The following FBXL2 variants were observed in gnomAD, a reference collection of about 807,000 sequenced individuals.
The protein encoded by FBXL2 is F-box/LRR-repeat protein 2.
Under a neutral mutation model 69.2 loss-of-function variants are expected in FBXL2, and 38 were observed. The ratio of observed to expected loss-of-function variants is 0.55; its 90% CI spans 0.42 to 0.72. The LOEUF (loss-of-function observed/expected upper bound fraction) is 0.72. FBXL2 is among the 30% of genes least tolerant of loss of function. FBXL2 has a pLI of 0.00. For synonymous variants in FBXL2, 192 were observed against 201.3 expected, an observed-to-expected ratio of 0.95 and a Z score of 0.39; for missense variants, 354 against 520.3, an observed-to-expected ratio of 0.68 and a Z score of 3.11.
intron 2 of FBXL2, among the ~76,000 whole-genome samples, chr3:33,328,662 T>C (rs1232563632): frequency 6.6e-6 from 1 of 152,116 alleles, no homozygotes; most frequent in Non-Finnish European, 1.5e-5. Context: ...AAAATGAAAC[T>C]AGACCCCTGT....
Position 33,285,427 on chromosome 3 carries a change from C to T in FBXL2, c.3+7912C>T, listed in dbSNP as rs562178911. Among the ~76,000 whole-genome samples the T allele has an allele frequency of 2.0e-5, 3 of 152,326 alleles. No homozygotes were observed. The East Asian group carries it at 5.8e-4, about 29-fold the overall frequency. On this transcript the variant is annotated intron_variant, in intron 1 of 14. Coordinates refer to ENST00000484457, the MANE Select transcript of FBXL2 (RefSeq NM_012157.5). ...AGAGATCCGCTGTTAGTCTGATGGG[C>T]TTCCCTTTGTGGGTAACCCGACCTT...
chr3:33,369,292 T>A (rs2042144531), intron 5 of FBXL2, among the ~76,000 whole-genome samples: 1 of 152,080 alleles, frequency 6.6e-6, no homozygotes, highest in African/African-American at 2.4e-5. Flanking sequence ...CCTCAAATGA[T>A]CTGCCCACCT....
At position 33,378,162 on chromosome 3, in the gene FBXL2, G is replaced by A; in HGVS notation, c.894+15G>A. ...AATGCATCCTGGTGAGTGGACTCCTGACAGCCCTGCAGGGCAGCCTGCTCC... is the reference window on the plus strand; with the variant it reads ...AATGCATCCTGGTGAGTGGACTCCTAACAGCCCTGCAGGGCAGCCTGCTCC... On this transcript the variant is annotated intron_variant, in intron 12 of 14. Coordinates refer to ENST00000484457, the MANE Select transcript of FBXL2 (RefSeq NM_012157.5). 1.2e-6 allele frequency: 2 copies of A among 1,613,814 alleles called. No individual in the cohort carries two copies. The highest frequency in any genetic ancestry group is 1.7e-6 in the Non-Finnish European group (2 of 1,179,706).
At chr3:33,335,686 T>C (rs2039522194) in intron 2 of FBXL2, among the ~76,000 whole-genome samples, 1 of 152,150 alleles carries the variant, frequency 6.6e-6, no homozygotes, top group Admixed American at 6.5e-5. Flanking sequence ...AAATATTTAA[T>C]TATTTCAAAA....
chr3:33,390,756 C>T (rs982226382), downstream of FBXL2: 1 of 185,042 alleles, frequency 5.4e-6, no homozygotes, highest in Non-Finnish European at 1.1e-5. Context: ...CAAATGTGTA[C>T]ATCTACCTTT....
At chr3:33,373,800 T>A in intron 8 of FBXL2, 47 bp from the exon 9 acceptor site, 1 of 1,613,778 alleles carries the variant, frequency 6.2e-7, no homozygotes, top group Non-Finnish European at 8.5e-7. Context: ...GTCCCACTGT[T>A]CCCTCACCTG....
the FBXL2 span, chr3:33,411,793 CTCTG>C: frequency 5.5e-4 from 487 of 877,850 alleles, 1 homozygote; most frequent in African/African-American, 6.0e-3. Context: ...CTGCTTTGAA[CTCTG>C]TCTTTCAATG....
intron 1 of FBXL2, 101 bp from the exon 2 acceptor site, chr3:33,297,563 A>C: frequency 7.4e-6 from 5 of 676,124 alleles, no homozygotes; most frequent in Middle Eastern, 4.0e-4. Flanking sequence ...TTTGTAGGAC[A>C]ATAATTGGGG....
intron 2 of FBXL2, among the ~76,000 whole-genome samples, chr3:33,311,331 G>A (rs184238477): frequency 2.0e-5 from 3 of 152,166 alleles, no homozygotes; most frequent in South Asian, 4.2e-4. Flanking sequence ...GAAGTTTTCT[G>A]TTATTTAGTT....
chr3:33,411,770 GA>G, the FBXL2 span: 1 of 1,110,044 alleles, frequency 9.0e-7, no homozygotes, highest in Non-Finnish European at 1.4e-6. Context: ...ATGTTCTAAT[GA>G]AATAACTGTA....
At chr3:33,409,539 A>G in the FBXL2 span, 1 of 1,614,142 alleles carries the variant, frequency 6.2e-7, no homozygotes, top group Non-Finnish European at 8.5e-7. Context: ...CCTGGATCCT[A>G]AAGGGCACTC....
chr3:33,362,581 A>G (rs551710309), intron 4 of FBXL2, among the ~76,000 whole-genome samples: 2 of 152,324 alleles, frequency 1.3e-5, no homozygotes, highest in Non-Finnish European at 2.9e-5. Flanking sequence ...AGGACTAGAA[A>G]GTTTATATAA....
chr3:33,346,957 T>C (rs1044651725), intron 2 of FBXL2, among the ~76,000 whole-genome samples: 1 of 152,224 alleles, frequency 6.6e-6, no homozygotes, highest in Non-Finnish European at 1.5e-5. Context: ...CAAGCATTTA[T>C]CCTTTGTGTT....
chr3:33,331,299 T>TTAGG (rs1207271365), intron 2 of FBXL2, among the ~76,000 whole-genome samples: 1 of 152,146 alleles, frequency 6.6e-6, no homozygotes, highest in African/African-American at 2.4e-5. Context: ...GAAAGTCATC[T>TTAGG]TAGGATACCT....
intron 2 of FBXL2, among the ~76,000 whole-genome samples, chr3:33,314,856 A>G (rs1417874298): frequency 6.6e-6 from 1 of 152,230 alleles, no homozygotes; most frequent in South Asian, 2.1e-4. Flanking sequence ...TATTATTGGT[A>G]TAATTTTCCT....
At chr3:33,287,210 T>A (rs1223875659) in intron 1 of FBXL2, among the ~76,000 whole-genome samples, 2 of 152,172 alleles carry the variant, frequency 1.3e-5, no homozygotes, top group Non-Finnish European at 2.9e-5. Context: ...TTTTTTGTCA[T>A]TATATGACAC....
chr3:33,360,614 T>G (rs1273212552), intron 4 of FBXL2, among the ~76,000 whole-genome samples: 2 of 152,204 alleles, frequency 1.3e-5, no homozygotes, highest in African/African-American at 4.8e-5. Flanking sequence ...TTTAGTGCTC[T>G]TTTGAGACTT....
chr3:33,300,166 TG>T (rs2036142649), intron 2 of FBXL2, among the ~76,000 whole-genome samples: 6 of 152,296 alleles, frequency 3.9e-5, no homozygotes, highest in Admixed American at 2.0e-4. Context: ...TGCATACTTC[TG>T]CTGTGACTCA....
chr3:33,341,206 T>C lies in FBXL2; in HGVS notation c.66-17761T>C, dbSNP rs1032588710. 1.6e-4 allele frequency among the ~76,000 whole-genome samples: 25 copies of C among 152,184 alleles called. 1 individual carries two copies. The highest frequency in any genetic ancestry group is 4.4e-5 in the Non-Finnish European group (3 of 68,030). ...AAAAGTCAAACCTGAAATTGATCAA[T>C]TTTATAGATCCAACTACCAATTTGT... On this transcript the variant is annotated intron_variant, in intron 2 of 14. Transcript: ENST00000484457.
Sources: gnomAD v4.1 joint callset for allele counts (sites outside exome capture counted in the v4.1 genomes callset) on GRCh38, gnomAD v4.1.1 for gene constraint, MANE v1.5 for transcripts, NCBI Gene and HGNC (gene_info 2026-07-23, HGNC 2026-07-21) for gene names.